EDA: variants seen among roughly 807,000 people sequenced by gnomAD.
EDA encodes ectodysplasin-A.
EDA carries 2 observed loss-of-function variants against 23.6 expected under a neutral mutation model. The ratio of observed to expected loss-of-function variants is 0.08; its 90% CI spans 0.03 to 0.27. EDA has a LOEUF of 0.27. Ranked by LOEUF, EDA falls within the 10% of genes least tolerant of loss-of-function variation. The pLI is 1.00. For synonymous variants in EDA, 131 were observed against 132.0 expected (o/e 0.99, Z 0.05); for missense variants, 229 against 324.2 (o/e 0.71, Z 2.26).
chrX:69,738,030 T>G (rs770636607), intron 1 of EDA, among the ~76,000 whole-genome samples: 11 of 111,860 alleles, frequency 9.8e-5, no homozygotes, highest in Middle Eastern at 4.6e-3. Context: ...TAGGTTATGG[T>G]ATGCCTTAGT....
rs1174555439 is a variant in EDA, at chrX:69,616,697, G to A, written c.389G>A (p.Gly130Glu). The A allele has an allele frequency of 2.5e-6, 3 of 1,209,883 alleles. No homozygotes were observed. In the Admixed American group the frequency reaches 6.5e-5, roughly 26 times the overall value. The stretch of plus-strand genomic sequence containing the variant: ...GCACTCCACTCTGACTCCCAGGACG[G>A]GCACCAGGTGAGTCACCTAGTAGGG... The part of the protein sequence containing the change: ...EAALHSDSQD[G>E]HQMALLNFFF... Residue 130 changes from glycine to glutamate, a missense_variant, in exon 1 of 8, where the codon GGG (glycine) becomes GAG (glutamate). By Grantham distance (98) the Gly-to-Glu change is moderately conservative (BLOSUM62 -2). This residue lies in a region of EDA where 175 missense variants were observed against 281.8 expected (regional missense o/e 0.62). Coordinates refer to ENST00000374552, the MANE Select transcript of EDA (RefSeq NM_001399.5).
At chrX:69,993,147 T>C (rs1343616465) in intron 2 of EDA, among the ~76,000 whole-genome samples, 1 of 108,927 alleles carries the variant, frequency 9.2e-6, no homozygotes, top group Admixed American at 9.8e-5. Flanking sequence ...AAAAAAACCC[T>C]TAAAAAACCC....
intron 1 of EDA, among the ~76,000 whole-genome samples, chrX:69,932,939 C>CT (rs751812350): frequency 0.012 from 1,202 of 102,008 alleles, 17 homozygotes; most frequent in African/African-American, 0.038. Context: ...AGTTCCTCTT[C>CT]TTTTTTTTTT....
intron 2 of EDA, among the ~76,000 whole-genome samples, chrX:69,966,938 T>C (rs1414514115): frequency 9.2e-6 from 1 of 109,176 alleles, no homozygotes; most frequent in Non-Finnish European, 1.9e-5. Context: ...TGTAAACATA[T>C]ATAAAATATT....
chrX:69,688,067 T>C (rs1468990743), intron 1 of EDA, among the ~76,000 whole-genome samples: 1 of 111,502 alleles, frequency 9.0e-6, no homozygotes, highest in Non-Finnish European at 1.9e-5. Context: ...CTTCACAGAC[T>C]TATCAAGGGA....
chrX:69,883,885 C>T (rs1347470614), intron 1 of EDA, among the ~76,000 whole-genome samples: 1 of 109,410 alleles, frequency 9.1e-6, no homozygotes, highest in Non-Finnish European at 1.9e-5. Flanking sequence ...TCACTTGAGC[C>T]CGGGAGTTTG....
chrX:69,920,948 C>CTATT (rs4007732), intron 1 of EDA, among the ~76,000 whole-genome samples: 55 of 100,491 alleles, frequency 5.5e-4, no homozygotes, highest in East Asian at 2.2e-3. Flanking sequence ...TATTCTGACA[C>CTATT]TATTTATTTA....
intron 1 of EDA, among the ~76,000 whole-genome samples, chrX:69,865,120 A>C (rs1364375194): frequency 6.3e-5 from 7 of 111,286 alleles, no homozygotes; most frequent in Non-Finnish European, 1.3e-4. Context: ...AAGTCTCAGC[A>C]ATAGAATCAA....
chrX:70,034,550 TG>T (rs896307095), intron 7 of EDA, among the ~76,000 whole-genome samples: 3 of 110,573 alleles, frequency 2.7e-5, no homozygotes, highest in African/African-American at 9.9e-5. Flanking sequence ...GATCAAAACT[TG>T]GTGTGAGGTA....
At chrX:69,988,421 G>A (rs1170445689) in intron 2 of EDA, among the ~76,000 whole-genome samples, 2 of 112,229 alleles carry the variant, frequency 1.8e-5, no homozygotes, top group Non-Finnish European at 3.8e-5. Context: ...GTAACACAAA[G>A]GATAAATGCC....
Position 69,710,665 on chromosome X carries a change from A to C in EDA, c.396+93961A>C, listed in dbSNP as rs374153373. The stretch of plus-strand genomic sequence containing the variant: ...ATTTGTTTGTATCCTCTTTGATTTC[A>C]TTGAGCAGTGGCTTGTAGTTCTCCT... On this transcript the variant is annotated intron_variant, in intron 1 of 7. Coordinates refer to ENST00000374552, the MANE Select transcript of EDA (RefSeq NM_001399.5). Among the ~76,000 whole-genome samples the C allele has an allele frequency of 2.7e-5, 3 of 111,552 alleles. No homozygotes were observed. In the East Asian group the frequency reaches 8.5e-4, roughly 32 times the overall value.
At chrX:70,023,921 T>C (rs1169807515) in intron 3 of EDA, among the ~76,000 whole-genome samples, 1 of 111,940 alleles carries the variant, frequency 8.9e-6, no homozygotes. Context: ...GTTGGGTCAG[T>C]AAGTCCCCAG....
At chrX:69,918,545 G>A (rs978623438) in intron 1 of EDA, among the ~76,000 whole-genome samples, 2 of 112,205 alleles carry the variant, frequency 1.8e-5, no homozygotes, top group Admixed American at 9.5e-5. Context: ...TTACTATGAA[G>A]TGACAGTTCT....
chrX:69,634,420 C>A (rs1320224692), intron 1 of EDA, among the ~76,000 whole-genome samples: 1 of 111,134 alleles, frequency 9.0e-6, no homozygotes, highest in African/African-American at 3.3e-5. Context: ...TAAAGTGATC[C>A]TTCCGCATCA....
chrX:69,970,415 A>G (rs1360318893), intron 2 of EDA, among the ~76,000 whole-genome samples: 1 of 112,224 alleles, frequency 8.9e-6, no homozygotes, highest in Non-Finnish European at 1.9e-5. Context: ...ATTAGTATCA[A>G]CTGTAAAATG....
At chrX:70,035,168 C>G (rs112733222) in intron 7 of EDA, among the ~76,000 whole-genome samples, 190 bp from the exon 8 acceptor site, 1,426 of 111,890 alleles carry the variant, frequency 0.013, 19 homozygotes, top group African/African-American at 0.044. Flanking sequence ...GCCCCATGGA[C>G]TAGGGGAAGA....
chrX:69,633,592 A>G (rs1346551811), intron 1 of EDA, among the ~76,000 whole-genome samples: 2 of 112,382 alleles, frequency 1.8e-5, no homozygotes, highest in Admixed American at 9.4e-5. Flanking sequence ...GACATGTCAT[A>G]TAAATGGAAT....
intron 2 of EDA, among the ~76,000 whole-genome samples, chrX:69,981,807 G>C (rs552903733): frequency 1.8e-5 from 2 of 111,851 alleles, no homozygotes; most frequent in Non-Finnish European, 3.8e-5. Flanking sequence ...TAGGTAATTT[G>C]CCCAAAGCCA....
intron 2 of EDA, among the ~76,000 whole-genome samples, chrX:69,965,637 G>A (rs2019161751): frequency 8.9e-6 from 1 of 112,219 alleles, no homozygotes; most frequent in Non-Finnish European, 1.9e-5. Flanking sequence ...ATCTGTAACT[G>A]GTCATCATGG....
Sources: gnomAD v4.1 joint callset for allele counts (sites outside exome capture counted in the v4.1 genomes callset) on GRCh38, gnomAD v4.1.1 for gene constraint, gnomAD v4.1.1 regional missense constraint, MANE v1.5 for transcripts, NCBI Gene and HGNC (gene_info 2026-07-23, HGNC 2026-07-21) for gene names.